NXPE2: variants seen among roughly 807,000 people sequenced by gnomAD.
NXPE2 encodes the protein neurexophilin and PC-esterase domain family member 2.
A neutral mutation model predicts 34.4 loss-of-function variants in NXPE2; 34 were observed. That is an observed-to-expected ratio of 0.99 (90% CI 0.75 to 1.31). NXPE2 has a LOEUF of 1.31. Ranked by LOEUF, NXPE2 falls within the 40% of genes most tolerant of loss-of-function variation. The pLI is 0.00. For missense variants in NXPE2, 649 were observed against 672.5 expected, an observed-to-expected ratio of 0.97 and a Z score of 0.39; for synonymous variants, 235 against 231.3, an observed-to-expected ratio of 1.02 and a Z score of -0.15.
the NXPE2 span, among the ~76,000 whole-genome samples, chr11:114,607,184 G>A: frequency 6.6e-6 from 1 of 151,642 alleles, no homozygotes; most frequent in Non-Finnish European, 1.5e-5. Flanking sequence ...TTGCATCGTG[G>A]GTGACAATTC....
chr11:114,804,727 C>A, the NXPE2 span, among the ~76,000 whole-genome samples: 1 of 152,142 alleles, frequency 6.6e-6, no homozygotes, highest in East Asian at 1.9e-4. Flanking sequence ...GAGTGAGTTG[C>A]TTTGTAGCTC....
At chr11:114,805,474 G>A in the NXPE2 span, among the ~76,000 whole-genome samples, 147 of 152,300 alleles carry the variant, frequency 9.7e-4, no homozygotes, top group African/African-American at 2.9e-3. Flanking sequence ...CTGGAAAATC[G>A]GGTCACTCCT....
the NXPE2 span, among the ~76,000 whole-genome samples, chr11:114,728,420 C>T: frequency 2.6e-5 from 4 of 152,016 alleles, no homozygotes; most frequent in African/African-American, 9.7e-5. Flanking sequence ...ATTTTTCATT[C>T]CTAATACCAT....
chr11:114,602,391 T>G, the NXPE2 span, among the ~76,000 whole-genome samples: 1 of 128,986 alleles, frequency 7.8e-6, no homozygotes, highest in Admixed American at 9.2e-5. Flanking sequence ...TTATGCTATA[T>G]ATTATATATT....
At chr11:114,635,810 G>A in the NXPE2 span, among the ~76,000 whole-genome samples, 1 of 152,200 alleles carries the variant, frequency 6.6e-6, no homozygotes, top group African/African-American at 2.4e-5. Context: ...TCCCAGGGAT[G>A]AAGCCCACTT....
the NXPE2 span, among the ~76,000 whole-genome samples, chr11:114,512,429 G>A: frequency 5.3e-5 from 8 of 152,202 alleles, no homozygotes; most frequent in South Asian, 1.7e-3. Flanking sequence ...GCAGGAAATG[G>A]ATGTTAGTGT....
chr11:114,805,206 A>T, the NXPE2 span, among the ~76,000 whole-genome samples: 120,411 of 146,940 alleles, frequency 0.82, 48,793 homozygotes, highest in Middle Eastern at 0.87. Context: ...TTTTTTTTTT[A>T]AAAAAGGTAG....
the NXPE2 span, among the ~76,000 whole-genome samples, chr11:114,492,813 A>G: frequency 6.6e-6 from 1 of 152,200 alleles, no homozygotes; most frequent in African/African-American, 2.4e-5. Flanking sequence ...TGCTGGGATT[A>G]CAGGCATGAG....
chr11:114,747,701 G>A, the NXPE2 span, among the ~76,000 whole-genome samples: 1,073 of 152,140 alleles, frequency 7.1e-3, 9 homozygotes, highest in African/African-American at 0.02. Flanking sequence ...AGAACCATGC[G>A]GAGAAACCAA....
At chr11:114,672,859 G>T in the NXPE2 span, among the ~76,000 whole-genome samples, 2 of 151,512 alleles carry the variant, frequency 1.3e-5, no homozygotes, top group Non-Finnish European at 3.0e-5. Context: ...AACAATAATA[G>T]TTAGAGACTT....
chr11:114,522,032 G>A, the NXPE2 span: 7 of 1,613,858 alleles, frequency 4.3e-6, no homozygotes, highest in South Asian at 6.6e-5. Context: ...TGGGTGGATA[G>A]TGTCAGTGCC....
At chr11:114,539,110 A>T in the NXPE2 span, among the ~76,000 whole-genome samples, 24 of 152,262 alleles carry the variant, frequency 1.6e-4, no homozygotes, top group African/African-American at 5.5e-4. Flanking sequence ...GCCATAAAAA[A>T]TAATGAGTTC....
chr11:114,487,966 C>T, the NXPE2 span, among the ~76,000 whole-genome samples: 11 of 152,028 alleles, frequency 7.2e-5, no homozygotes, highest in Non-Finnish European at 1.0e-4. Flanking sequence ...TTTAGCTTTC[C>T]TTTTTTGATA....
chr11:114,617,520 G>C, the NXPE2 span, among the ~76,000 whole-genome samples: 3 of 152,046 alleles, frequency 2.0e-5, no homozygotes, highest in African/African-American at 7.2e-5. Flanking sequence ...TGGATAATAC[G>C]TGTTGCCTCG....
the NXPE2 span, chr11:114,571,428 T>G: frequency 1.2e-6 from 2 of 1,611,214 alleles, no homozygotes; most frequent in Non-Finnish European, 8.5e-7. Flanking sequence ...CACAGCAAGC[T>G]GGTGTTGCAA....
chr11:114,635,431 C>G, the NXPE2 span, among the ~76,000 whole-genome samples: 138 of 151,576 alleles, frequency 9.1e-4, 1 homozygote, highest in East Asian at 0.021. Context: ...TTGACTTCCT[C>G]TTTTCCTAAT....
At chr11:114,756,103 A>C in the NXPE2 span, among the ~76,000 whole-genome samples, 3 of 152,068 alleles carry the variant, frequency 2.0e-5, no homozygotes, top group African/African-American at 7.2e-5. Flanking sequence ...TTTTTTTCCA[A>C]TGATAGTTAC....
At chr11:114,683,425 G>GT (rs35515592) in intron 2 of NXPE2, among the ~76,000 whole-genome samples, 127,420 of 144,554 alleles carry the variant, frequency 0.88, 56,246 homozygotes, top group African/African-American at 0.92. Flanking sequence ...TAGAGTCAAA[G>GT]TTTTTTTTTT....
chr11:114,508,454 G>T, the NXPE2 span, among the ~76,000 whole-genome samples: 10 of 152,144 alleles, frequency 6.6e-5, no homozygotes, highest in Admixed American at 6.5e-5. Context: ...TAAGCAAAAA[G>T]AACAAACTGG....
Sources: gnomAD v4.1 joint callset for allele counts (sites outside exome capture counted in the v4.1 genomes callset) on GRCh38, gnomAD v4.1.1 for gene constraint, MANE v1.5 for transcripts, NCBI Gene and HGNC (gene_info 2026-07-23, HGNC 2026-07-21) for gene names.